Variants in EPHA6 observed in about 807,000 individuals in gnomAD.
EPHA6 encodes ephrin type-A receptor 6.
EPHA6 carries 50 observed loss-of-function variants against 112.0 expected under a neutral mutation model. The observed-to-expected ratio is 0.45, with a 90% confidence interval of 0.36 to 0.56. The LOEUF is 0.56. Ranked by LOEUF, EPHA6 falls within the 20% of genes least tolerant of loss-of-function variation. The probability of loss-of-function intolerance (pLI) is 0.00; values close to 1 mark genes in which losing one functional copy is unlikely to be tolerated. For missense variants in EPHA6, 1,280 were observed against 1,417.4 expected, an observed-to-expected ratio of 0.90 and a Z score of 1.56; for synonymous variants, 529 against 490.7, an observed-to-expected ratio of 1.08 and a Z score of -1.03.
intron 5 of EPHA6, among the ~76,000 whole-genome samples, chr3:97,293,424 G>A (rs1466242370): frequency 6.7e-6 from 1 of 149,762 alleles, no homozygotes; most frequent in Non-Finnish European, 1.5e-5. Flanking sequence ...CCTTTCTGTT[G>A]GCAGGCAGGT....
intron 3 of EPHA6, among the ~76,000 whole-genome samples, chr3:97,055,604 G>T (rs537178473): frequency 6.6e-6 from 1 of 152,186 alleles, no homozygotes; most frequent in Non-Finnish European, 1.5e-5. Flanking sequence ...AAAACAGAAT[G>T]CTTGTTAGAT....
At chr3:97,678,391 C>T (rs560259900) in intron 14 of EPHA6, among the ~76,000 whole-genome samples, 1 of 152,208 alleles carries the variant, frequency 6.6e-6, no homozygotes, top group East Asian at 1.9e-4. Context: ...TTGGAAGGCT[C>T]TCAGTTTTGA....
intron 16 of EPHA6, among the ~76,000 whole-genome samples, chr3:97,746,000 A>T (rs929166407): frequency 4.0e-5 from 6 of 151,874 alleles, no homozygotes; most frequent in African/African-American, 7.2e-5. Context: ...TTGTGCTCGT[A>T]GCTTATCAAT....
At chr3:97,091,589 C>A (rs1477080568) in intron 3 of EPHA6, among the ~76,000 whole-genome samples, 1 of 151,906 alleles carries the variant, frequency 6.6e-6, no homozygotes, top group Non-Finnish European at 1.5e-5. Context: ...ACTTTGTGAC[C>A]CTGAAAAATA....
At chr3:97,180,929 G>T (rs2076970952) in intron 3 of EPHA6, among the ~76,000 whole-genome samples, 1 of 151,590 alleles carries the variant, frequency 6.6e-6, no homozygotes, top group African/African-American at 2.4e-5. Flanking sequence ...ACCTATTTCA[G>T]CACTAGGACT....
At chr3:97,062,245 A>G (rs1476058396) in intron 3 of EPHA6, among the ~76,000 whole-genome samples, 4 of 152,206 alleles carry the variant, frequency 2.6e-5, no homozygotes, top group South Asian at 2.1e-4. Flanking sequence ...CAGAAACCAC[A>G]TAGTAAATTG....
At chr3:96,984,758 G>T (rs186947512) in intron 2 of EPHA6, among the ~76,000 whole-genome samples, 1 of 152,256 alleles carries the variant, frequency 6.6e-6, no homozygotes, top group East Asian at 1.9e-4. Context: ...AATGGTGGGC[G>T]TCCCTCCCCC....
chr3:96,973,331 C>A (rs555233569), intron 2 of EPHA6, among the ~76,000 whole-genome samples: 1 of 152,112 alleles, frequency 6.6e-6, no homozygotes, highest in African/African-American at 2.4e-5. Flanking sequence ...AATCCTGTAC[C>A]ATGTATATCC....
At chr3:96,892,940 T>TTATA (rs533405941) in intron 2 of EPHA6, among the ~76,000 whole-genome samples, 9 of 145,520 alleles carry the variant, frequency 6.2e-5, no homozygotes, top group East Asian at 6.0e-4. Flanking sequence ...TGATTCCAAC[T>TTATA]TATATATATA....
intron 14 of EPHA6, among the ~76,000 whole-genome samples, chr3:97,705,070 C>T (rs1181480054): frequency 6.6e-6 from 1 of 152,104 alleles, no homozygotes; most frequent in African/African-American, 2.4e-5. Context: ...CAATGGTGTT[C>T]CATTGCCACA....
intron 2 of EPHA6, among the ~76,000 whole-genome samples, chr3:96,899,056 A>C (rs1033551967): frequency 6.6e-6 from 1 of 151,838 alleles, no homozygotes; most frequent in Non-Finnish European, 1.5e-5. Context: ...AAACAAACAA[A>C]AAAAAAACAG....
chr3:97,668,859 G>A (rs1044543882), intron 14 of EPHA6, among the ~76,000 whole-genome samples: 1 of 122,002 alleles, frequency 8.2e-6, no homozygotes, highest in African/African-American at 3.2e-5. Flanking sequence ...GTTGCAGTGA[G>A]CCAGATGGTG....
intron 5 of EPHA6, among the ~76,000 whole-genome samples, chr3:97,259,693 A>T (rs2079433262): frequency 1.3e-5 from 2 of 152,232 alleles, no homozygotes; most frequent in African/African-American, 2.4e-5. Context: ...CAGTAGAAGT[A>T]AGAAAGGAAG....
intron 3 of EPHA6, among the ~76,000 whole-genome samples, chr3:97,199,530 C>T (rs554817098): frequency 6.6e-6 from 1 of 152,122 alleles, no homozygotes; most frequent in Non-Finnish European, 1.5e-5. Flanking sequence ...GAGAACCACC[C>T]ATGTTCCTGA....
chr3:97,089,380 T>C (rs926000634), intron 3 of EPHA6, among the ~76,000 whole-genome samples: 1 of 152,170 alleles, frequency 6.6e-6, no homozygotes, highest in Non-Finnish European at 1.5e-5. Flanking sequence ...ATTAAAATCA[T>C]ACTTGAGTCA....
intron 5 of EPHA6, among the ~76,000 whole-genome samples, chr3:97,311,427 A>G (rs942745211): frequency 2.1e-5 from 3 of 145,888 alleles, no homozygotes; most frequent in Non-Finnish European, 4.5e-5. Flanking sequence ...CCAAATCATC[A>G]TTTGGATTAC....
At chr3:97,720,732 C>G (rs1289044435) in intron 15 of EPHA6, among the ~76,000 whole-genome samples, 1 of 152,168 alleles carries the variant, frequency 6.6e-6, no homozygotes, top group Non-Finnish European at 1.5e-5. Context: ...GTAATGTTTA[C>G]TTTTCGTTTC....
At chr3:97,011,517 A>C (rs1349193040) in intron 3 of EPHA6, among the ~76,000 whole-genome samples, 3 of 152,226 alleles carry the variant, frequency 2.0e-5, no homozygotes, top group African/African-American at 7.2e-5. Flanking sequence ...CAAACTGGCT[A>C]TACTGGTTAC....
At chr3:96,886,738 T>C (rs1369891009) in intron 2 of EPHA6, among the ~76,000 whole-genome samples, 1 of 152,104 alleles carries the variant, frequency 6.6e-6, no homozygotes, top group Non-Finnish European at 1.5e-5. Context: ...TTTTTGTTTG[T>C]TTTTTGTTTT....
Sources: allele counts gnomAD v4.1 joint callset (sites outside exome capture counted in the v4.1 genomes callset), GRCh38; gene constraint gnomAD v4.1.1; transcripts MANE v1.5; gene names NCBI Gene and HGNC (gene_info 2026-07-23, HGNC 2026-07-21).